The following ABHD18 variants were observed in gnomAD, a reference collection of about 807,000 sequenced individuals.
ABHD18 encodes the protein cardiolipin-specific deacylase, mitochondrial.
ABHD18 carries 55 observed loss-of-function variants against 65.9 expected under a neutral mutation model. The ratio of observed to expected loss-of-function variants is 0.84; its 90% CI spans 0.67 to 1.05. The LOEUF (loss-of-function observed/expected upper bound fraction) is 1.05, where lower values mean the gene tolerates loss of function less well. Ranked by LOEUF, ABHD18 falls within the 50% of genes least tolerant of loss-of-function variation. The pLI is 0.00. For synonymous variants in ABHD18, 181 were observed against 180.2 expected, an observed-to-expected ratio of 1.00 and a Z score of -0.04; for missense variants, 533 against 558.5, an observed-to-expected ratio of 0.95 and a Z score of 0.46.
chr4:128,027,416 T>C (rs953946519), intron 10 of ABHD18, among the ~76,000 whole-genome samples: 1 of 152,054 alleles, frequency 6.6e-6, no homozygotes, highest in Non-Finnish European at 1.5e-5. Context: ...TTTTTTCTTT[T>C]TTTTTTTGAG....
chr4:127,983,929 C>T (rs928213108), intron 2 of ABHD18, among the ~76,000 whole-genome samples: 8 of 151,884 alleles, frequency 5.3e-5, no homozygotes, highest in Non-Finnish European at 1.0e-4. Flanking sequence ...ATCCCAGCTA[C>T]TCGGGAGAGT....
At chr4:127,977,932 A>G (rs1168846156) in intron 1 of ABHD18, among the ~76,000 whole-genome samples, 2 of 152,130 alleles carry the variant, frequency 1.3e-5, no homozygotes, top group South Asian at 4.1e-4. Context: ...GAAAATAAAT[A>G]AAACTGGATT....
chr4:128,039,406 G>A lies in ABHD18; in HGVS notation c.*3593G>A, dbSNP rs940399596. The A allele has an allele frequency of 2.6e-5, 4 of 151,782 alleles. No homozygotes were observed. The highest frequency in any genetic ancestry group is 9.7e-5 in the African/African-American group (4 of 41,354). 9.4% of individuals were successfully genotyped at this position (151,782 alleles called of 1,614,324 possible). A position where few individuals can be genotyped will look rare whatever the true frequency, so the allele number is the denominator to read the frequency against. On this transcript the variant is annotated 3_prime_UTR_variant, in exon 13 of 13. Transcript: ENST00000645843. ...GTTCCCCAGTTTGCCACAGCCTACT[G>A]GACTTCCCTCTTATATCAGACAACT...
intron 2 of ABHD18, among the ~76,000 whole-genome samples, chr4:127,983,379 G>A (rs936842341): frequency 2.0e-5 from 3 of 152,112 alleles, no homozygotes; most frequent in South Asian, 2.1e-4. Context: ...TAGATAACCC[G>A]AATTTGTAAT....
At chr4:128,030,148 A>C (rs999756926) in intron 11 of ABHD18, among the ~76,000 whole-genome samples, 4 of 152,160 alleles carry the variant, frequency 2.6e-5, no homozygotes. Context: ...CCTGGGCAAT[A>C]CAGTGAGATC....
Position 127,989,793 on chromosome 4 carries a change from A to G in ABHD18, c.250A>G (p.Ile84Val). Residue 84 changes from isoleucine to valine, a missense_variant, in exon 4 of 13, where the codon ATC becomes GTC. By Grantham distance (29) the Ile-to-Val change is conservative (BLOSUM62 3). Around this residue, in one of 3 missense-constraint regions of ABHD18, gnomAD observed 309 missense variants for 313.5 expected, o/e 0.99. Coordinates refer to ENST00000645843, the MANE Select transcript of ABHD18 (RefSeq NM_001358451.3). The part of the protein sequence containing the change: ...VSPMAHYVPD[I>V]MPIESVIARF... ...CCCCATGGCTCACTATGTGCCTGAT[A>G]TCATGCCAATTGAATCTGTTATTGC... 1 of 1,597,486 alleles carries G rather than the reference A, an allele frequency of 6.3e-7. No homozygotes were observed. The highest frequency in any genetic ancestry group is 1.7e-5 in the Admixed American group (1 of 57,544).
intron 8 of ABHD18, 146 bp downstream of exon 8, chr4:128,017,647 A>G (rs916277479): frequency 3.4e-5 from 22 of 641,340 alleles, no homozygotes; most frequent in Non-Finnish European, 5.3e-5. Flanking sequence ...TCTTACTCCA[A>G]TTATGAAGTA....
chr4:128,035,575 A>G (rs527897570), intron 12 of ABHD18, among the ~76,000 whole-genome samples, 187 bp from the exon 13 acceptor site: 1 of 152,140 alleles, frequency 6.6e-6, no homozygotes, highest in Non-Finnish European at 1.5e-5. Flanking sequence ...CTGTCTCAAA[A>G]GAAAAAAAAA....
At chr4:127,966,246 C>A (rs1284856561) in intron 1 of ABHD18, among the ~76,000 whole-genome samples, 1 of 151,972 alleles carries the variant, frequency 6.6e-6, no homozygotes, top group East Asian at 1.9e-4. Context: ...CATAAATTAC[C>A]GTTTTATTAG....
chr4:127,975,948 C>T (rs1747837355), intron 1 of ABHD18, among the ~76,000 whole-genome samples: 1 of 152,062 alleles, frequency 6.6e-6, no homozygotes, highest in Non-Finnish European at 1.5e-5. Context: ...TTCTCAGCTT[C>T]CTGAGTATCT....
intron 1 of ABHD18, among the ~76,000 whole-genome samples, chr4:127,967,708 G>GAAA (rs796595535): frequency 4.6e-5 from 6 of 129,686 alleles, no homozygotes; most frequent in Non-Finnish European, 8.2e-5. Context: ...GTACCAGTAG[G>GAAA]AAAAAAAAAA....
chr4:128,016,663 T>G (rs897137135), intron 7 of ABHD18, among the ~76,000 whole-genome samples: 1 of 152,060 alleles, frequency 6.6e-6, no homozygotes, highest in Non-Finnish European at 1.5e-5. Flanking sequence ...TAATTCCACC[T>G]ACTCAGGAGA....
In ABHD18 at chr4:128,037,183, C is replaced by G. The variant is rs1345571499; in HGVS notation, c.*1370C>G. On this transcript the variant is annotated 3_prime_UTR_variant, in exon 13 of 13. Transcript: ENST00000645843. ...TGGTGGCAGGCACCTGTAATCCCAG[C>G]TACTCGGGAGGCTGAGGCAGGAGAA... 1.3e-5 allele frequency: 2 copies of G among 148,976 alleles called. No individual in the cohort carries two copies. Among genetic ancestry groups the G allele is most frequent in the Non-Finnish European group, 3.0e-5 (2 of 67,582 alleles). 9.2% of individuals were successfully genotyped at this position (148,976 alleles called of 1,614,324 possible).
intron 12 of ABHD18, among the ~76,000 whole-genome samples, chr4:128,032,154 G>A (rs2149197722): frequency 6.6e-6 from 1 of 152,290 alleles, no homozygotes; most frequent in South Asian, 2.1e-4. Context: ...CTTCATTTGA[G>A]AGAGATAAAT....
intron 7 of ABHD18, among the ~76,000 whole-genome samples, chr4:128,014,779 G>A (rs1480710960): frequency 6.8e-6 from 1 of 147,274 alleles, no homozygotes; most frequent in African/African-American, 2.6e-5. Flanking sequence ...TATACCCCCC[G>A]CCCCTAAAAA....
rs985304938 is a variant in ABHD18 at position 128,035,737 on chromosome 4, G to A, written c.1344-25G>A. The A allele has an allele frequency of 8.3e-6, 12 of 1,446,452 alleles. No homozygotes were observed. In the African/African-American group the frequency reaches 1.7e-4, roughly 21 times the overall value. The allele number at this position is 1,446,452 out of a possible 1,614,324, so 89.6% of individuals were successfully genotyped here. Reference sequence around the variant, plus strand: ...CCCCCCTTTTTGTTAGTTACTTAGAGTTTTTCTTTCATATTTAATTTTAGA... The same window carrying A: ...CCCCCCTTTTTGTTAGTTACTTAGAATTTTTCTTTCATATTTAATTTTAGA... On this transcript the variant is annotated intron_variant, in intron 12 of 12. Coordinates refer to ENST00000645843, the MANE Select transcript of ABHD18 (RefSeq NM_001358451.3).
At chr4:127,997,731 C>T (rs1751974020) in intron 4 of ABHD18, among the ~76,000 whole-genome samples, 1 of 152,154 alleles carries the variant, frequency 6.6e-6, no homozygotes, top group African/African-American at 2.4e-5. Flanking sequence ...CAGCTGTTGG[C>T]TCAGAGAAAA....
intron 1 of ABHD18, among the ~76,000 whole-genome samples, chr4:127,975,881 A>G (rs900869476): frequency 2.0e-5 from 3 of 152,142 alleles, no homozygotes; most frequent in Non-Finnish European, 4.4e-5. Context: ...GCTAGAGTGC[A>G]GTGGTACAGT....
At chr4:128,030,986 G>T (rs922927941) in intron 12 of ABHD18, 1 of 1,058,924 alleles carries the variant, frequency 9.4e-7, no homozygotes, top group African/African-American at 1.7e-5. Context: ...AAGTTGCTTT[G>T]GTGCATCAAG....
Sources: gnomAD v4.1 joint callset for allele counts (sites outside exome capture counted in the v4.1 genomes callset) on GRCh38, gnomAD v4.1.1 for gene constraint, gnomAD v4.1.1 regional missense constraint, MANE v1.5 for transcripts, NCBI Gene and HGNC (gene_info 2026-07-23, HGNC 2026-07-21) for gene names.